Variants in SLCO3A1 observed in about 807,000 individuals in gnomAD.
SLCO3A1 encodes the protein PGE1 transporter.
SLCO3A1 carries 27 observed loss-of-function variants against 63.1 expected under a neutral mutation model. The observed-to-expected ratio is 0.43, with a 90% CI of 0.32 to 0.59. The LOEUF is 0.59. Among genes scored for constraint, SLCO3A1 ranks in the 20% least tolerant of loss-of-function variants. The pLI is 0.09. For synonymous variants in SLCO3A1, 473 were observed against 409.9 expected (o/e 1.15, Z -1.86); for missense variants, 773 against 945.8 (o/e 0.82, Z 2.40).
rs79142524 is a variant in SLCO3A1, at chr15:91,997,916, G to C, written c.646+81458G>C. 1.4e-3 allele frequency among the ~76,000 whole-genome samples: 214 copies of C among 152,168 alleles called. 6 individuals are homozygous for C. In the East Asian group the frequency reaches 0.038, roughly 27 times the overall value. ...TCAAACTATAAGAATCCTAGGGAAAGAAACCTAGGAAACACCACTCAGAAT... is the reference window on the plus strand; with the variant it reads ...TCAAACTATAAGAATCCTAGGGAAACAAACCTAGGAAACACCACTCAGAAT... On this transcript the variant is annotated intron_variant, in intron 2 of 9. Transcript: ENST00000318445.
chr15:91,870,906 G>T (rs183282828), intron 1 of SLCO3A1, among the ~76,000 whole-genome samples: 1 of 151,726 alleles, frequency 6.6e-6, no homozygotes, highest in East Asian at 1.9e-4. Context: ...GTTGTCTTTG[G>T]GTTCTTGATG....
At chr15:92,054,785 TC>T (rs1470309166) in intron 2 of SLCO3A1, among the ~76,000 whole-genome samples, 1 of 152,212 alleles carries the variant, frequency 6.6e-6, no homozygotes, top group African/African-American at 2.4e-5. Flanking sequence ...ATGATCTTGT[TC>T]CTTTTTATGG....
In SLCO3A1 at chr15:92,094,962, C is replaced by T. The variant is rs747929610; in HGVS notation, c.728C>T (p.Ala243Val). The change falls in exon 3 of 10, where the codon GCG becomes GTG. Residue 243 changes from alanine (A) to valine (V), a missense_variant. Around this residue, in one of 3 missense-constraint regions of SLCO3A1, gnomAD observed 565 missense variants for 749.8 expected, o/e 0.75. Coordinates refer to ENST00000318445, the MANE Select transcript of SLCO3A1 (RefSeq NM_013272.4). ...GSFCTKIYVD[A>V]VFIDTSNLDI... ...TTCTGTACCAAAATCTACGTGGATGCGGTCTTCATTGACACAAGTAAGGAA... is the reference window on the plus strand; with the variant it reads ...TTCTGTACCAAAATCTACGTGGATGTGGTCTTCATTGACACAAGTAAGGAA... The T allele has an allele frequency of 1.9e-6, 3 of 1,608,736 alleles. No individual in the cohort carries two copies. The highest frequency in any genetic ancestry group is 2.2e-5 in the South Asian group (2 of 90,950).
rs1325435651 is a variant in SLCO3A1 at position 92,126,126 on chromosome 15, A to G, written c.1240A>G (p.Ser414Gly). The G allele has an allele frequency of 6.8e-6, 11 of 1,613,422 alleles. No homozygotes were observed. The highest frequency in any genetic ancestry group is 9.3e-6 in the Non-Finnish European group (11 of 1,179,892). The change falls in exon 6 of 10, where the codon AGC (serine) becomes GGC (glycine). Residue 414 changes from serine (S) to glycine (G), a missense_variant. Physicochemically the swap from Ser to Gly is moderately conservative, Grantham distance 56. This residue lies in a region of SLCO3A1 where 565 missense variants were observed against 749.8 expected (regional missense o/e 0.75). Transcript: ENST00000318445. ...GGGAGGTCTTTTGGTGAAGAAGCTC[A>G]GCCTGTCTGCCCTGGGGGCCATTCG... ...FLGGLLVKKLSLSALGAIRMA... is the reference protein window; with the variant it reads ...FLGGLLVKKLGLSALGAIRMA...
At chr15:91,896,024 C>G (rs1044569984) in intron 1 of SLCO3A1, among the ~76,000 whole-genome samples, 2 of 152,194 alleles carry the variant, frequency 1.3e-5, no homozygotes, top group Non-Finnish European at 2.9e-5. Context: ...CATTTTGCTC[C>G]TCTAAAGAAG....
intron 2 of SLCO3A1, among the ~76,000 whole-genome samples, chr15:92,049,984 T>A (rs941201521): frequency 6.6e-6 from 1 of 152,182 alleles, no homozygotes; most frequent in Non-Finnish European, 1.5e-5. Context: ...TTCTTCCAGC[T>A]TAAAATGAAT....
At chr15:91,957,108 A>C (rs1425332438) in intron 2 of SLCO3A1, among the ~76,000 whole-genome samples, 1 of 5,498 alleles carries the variant, frequency 1.8e-4, no homozygotes, top group Non-Finnish European at 2.3e-4. Flanking sequence ...TATAATATAT[A>C]TATATATAAT....
At chr15:92,061,417 T>A (rs1421858131) in intron 2 of SLCO3A1, among the ~76,000 whole-genome samples, 1 of 152,210 alleles carries the variant, frequency 6.6e-6, no homozygotes, top group Non-Finnish European at 1.5e-5. Flanking sequence ...GAAGAGATCT[T>A]CTCTCCACTC....
intron 2 of SLCO3A1, among the ~76,000 whole-genome samples, chr15:92,057,311 G>A (rs2047033605): frequency 6.6e-6 from 1 of 152,232 alleles, no homozygotes; most frequent in African/African-American, 2.4e-5. Flanking sequence ...TGAGCAAAGG[G>A]ATCTCAGGAA....
chr15:91,999,418 T>G (rs887941712), intron 2 of SLCO3A1, among the ~76,000 whole-genome samples: 10 of 152,040 alleles, frequency 6.6e-5, no homozygotes, highest in Admixed American at 2.0e-4. Flanking sequence ...GGCTATGCCA[T>G]AGAAAAATGG....
rs565188060 is a variant in SLCO3A1, at chr15:91,854,129, G to T, written c.180+41G>T. On this transcript the variant is annotated intron_variant, in intron 1 of 9. Transcript: ENST00000318445. This position sits in a 1 kb window ranked among gnomAD's most constrained non-coding sequence, Gnocchi z 6.4. ...AACTCCGCCGCGGGCCCCTTCCCCA[G>T]CCCGGCTCTCGAGCGGCCGCCTGGC... 1.4e-6 allele frequency: 2 copies of T among 1,395,564 alleles called. No individual in the cohort carries two copies. Among genetic ancestry groups the T allele is most frequent in the African/African-American group, 1.5e-5 (1 of 66,770 alleles). The allele number at this position is 1,395,564 out of a possible 1,614,324, so 86.4% of individuals were successfully genotyped here.
At chr15:91,929,754 TG>T (rs1899158217) in intron 2 of SLCO3A1, among the ~76,000 whole-genome samples, 1 of 152,194 alleles carries the variant, frequency 6.6e-6, no homozygotes, top group African/African-American at 2.4e-5. Context: ...TCTATGAATT[TG>T]ACTACTCTAA....
chr15:92,132,458 A>C (rs1487995669), intron 7 of SLCO3A1, among the ~76,000 whole-genome samples: 1 of 145,146 alleles, frequency 6.9e-6, no homozygotes, highest in East Asian at 1.9e-4. Context: ...ACCAAAAAAA[A>C]ATTGAGTTAA....
exon 11 of SLCO3A1, chr15:92,172,252 G>T: frequency 5.6e-6 from 1 of 179,010 alleles, no homozygotes. Context: ...CAGCCGAGAG[G>T]GTAAAAACCA....
At chr15:92,063,919 GT>G (rs1328653592) in intron 2 of SLCO3A1, among the ~76,000 whole-genome samples, 2 of 152,174 alleles carry the variant, frequency 1.3e-5, no homozygotes, top group African/African-American at 4.8e-5. Flanking sequence ...TCTTTTGTTT[GT>G]TTTTTGCTTT....
intron 2 of SLCO3A1, among the ~76,000 whole-genome samples, chr15:92,085,509 T>C (rs2047394277): frequency 6.6e-6 from 1 of 152,212 alleles, no homozygotes; most frequent in African/African-American, 2.4e-5. Context: ...ACCCATTGCC[T>C]AGTTGGGAGT....
Position 91,859,076 on chromosome 15 carries a change from T to A in SLCO3A1, c.180+4988T>A, listed in dbSNP as rs151105588. 7.9e-5 allele frequency among the ~76,000 whole-genome samples: 12 copies of A among 152,376 alleles called. No homozygotes were observed. Among genetic ancestry groups the A allele is most frequent in the African/African-American group, 2.9e-4 (12 of 41,592 alleles). On this transcript the variant is annotated intron_variant, in intron 1 of 9. Transcript: ENST00000318445. The surrounding 1 kb of genome is among the most constrained non-coding windows in gnomAD (Gnocchi z 5.1). ...CTGCATATGTACTCTATTCTGTACA[T>A]TGCCGCATGCATTGCATATTTACAT...
chr15:91,869,392 C>T (rs1185770242), intron 1 of SLCO3A1, among the ~76,000 whole-genome samples: 1 of 151,852 alleles, frequency 6.6e-6, no homozygotes, highest in African/African-American at 2.4e-5. Context: ...AAAAATTAGC[C>T]AGGCATGGTG....
At chr15:91,934,934 G>A (rs1032993249) in intron 2 of SLCO3A1, among the ~76,000 whole-genome samples, 45 of 152,036 alleles carry the variant, frequency 3.0e-4, no homozygotes, top group African/African-American at 1.0e-3. Flanking sequence ...ACTCTTTGGA[G>A]GCGTCCTTCG....
Sources: allele counts gnomAD v4.1 joint callset (sites outside exome capture counted in the v4.1 genomes callset), GRCh38; gene constraint gnomAD v4.1.1; regional missense constraint gnomAD v4.1.1; non-coding constraint Gnocchi (gnomAD v3.1); transcripts MANE v1.5; gene names NCBI Gene and HGNC (gene_info 2026-07-23, HGNC 2026-07-21).